The following MAN1A1 variants were observed in gnomAD, a reference collection of about 807,000 sequenced individuals.
MAN1A1 encodes mannosyl-oligosaccharide 1,2-alpha-mannosidase IA.
In MAN1A1, 29 loss-of-function variants were observed where a neutral mutation model predicts 70.8. The ratio of observed to expected loss-of-function variants is 0.41; its 90% CI spans 0.31 to 0.56. The LOEUF is 0.56. Ranked by LOEUF, MAN1A1 falls within the 20% of genes least tolerant of loss-of-function variation. MAN1A1 has a pLI of 0.29. For synonymous variants in MAN1A1, 349 were observed against 330.1 expected (o/e 1.06, Z -0.62); for missense variants, 747 against 841.3 (o/e 0.89, Z 1.39).
At chr6:119,342,369 G>C (rs754126392) in intron 2 of MAN1A1, among the ~76,000 whole-genome samples, 39 of 152,248 alleles carry the variant, frequency 2.6e-4, no homozygotes, top group Middle Eastern at 6.8e-3. Context: ...GCTTTAGGTG[G>C]TGACCAGTAA....
chr6:119,193,705 C>T (rs937415040), intron 9 of MAN1A1, 72 bp downstream of exon 9: 3 of 977,798 alleles, frequency 3.1e-6, no homozygotes, highest in South Asian at 1.5e-5. Context: ...ACCACTTATT[C>T]ATTAAAACTT....
At chr6:119,287,081 C>T (rs1239111896) in intron 5 of MAN1A1, among the ~76,000 whole-genome samples, 1 of 152,044 alleles carries the variant, frequency 6.6e-6, no homozygotes, top group Non-Finnish European at 1.5e-5. Flanking sequence ...TCTCCAAGAT[C>T]CCCAAAGAGG....
intron 5 of MAN1A1, among the ~76,000 whole-genome samples, chr6:119,264,181 G>A (rs1312787214): frequency 1.3e-5 from 2 of 152,164 alleles, no homozygotes; most frequent in Non-Finnish European, 2.9e-5. Flanking sequence ...CAATTAACAG[G>A]CCCAACCCAG....
intron 2 of MAN1A1, among the ~76,000 whole-genome samples, chr6:119,334,744 T>C (rs1773407977): frequency 6.6e-6 from 1 of 152,256 alleles, no homozygotes; most frequent in African/African-American, 2.4e-5. Context: ...TCACAAAGGG[T>C]GGATACATCC....
At chr6:119,250,789 T>C (rs1290034899) in intron 5 of MAN1A1, among the ~76,000 whole-genome samples, 1 of 152,184 alleles carries the variant, frequency 6.6e-6, no homozygotes, top group East Asian at 1.9e-4. Context: ...ATTCTCAAAT[T>C]CAACCTTCTA....
chr6:119,304,953 T>C (rs1772488649), intron 3 of MAN1A1, among the ~76,000 whole-genome samples: 1 of 112,460 alleles, frequency 8.9e-6, no homozygotes, highest in Non-Finnish European at 2.0e-5. Context: ...TCATTTCTCA[T>C]CCATAAAAAT....
chr6:119,262,555 T>G (rs980475154), intron 5 of MAN1A1, among the ~76,000 whole-genome samples: 2 of 152,144 alleles, frequency 1.3e-5, no homozygotes, highest in Non-Finnish European at 2.9e-5. Context: ...GTTCAGCCAT[T>G]GTGGAAAGTA....
chr6:119,257,513 C>A (rs572185939), intron 5 of MAN1A1, among the ~76,000 whole-genome samples: 51 of 151,140 alleles, frequency 3.4e-4, no homozygotes, highest in African/African-American at 1.1e-3. Context: ...ACGACAACAT[C>A]AAAAAAAATA....
intron 6 of MAN1A1, among the ~76,000 whole-genome samples, chr6:119,221,367 T>C (rs1774354555): frequency 6.6e-6 from 1 of 152,072 alleles, no homozygotes; most frequent in Non-Finnish European, 1.5e-5. Context: ...TTTTTGCATA[T>C]ACTGACAAAT....
chr6:119,312,981 G>T (rs1464658865), intron 2 of MAN1A1, among the ~76,000 whole-genome samples: 1 of 152,164 alleles, frequency 6.6e-6, no homozygotes, highest in Non-Finnish European at 1.5e-5. Flanking sequence ...CACTCAATGA[G>T]CCTGGCTGAC....
At chr6:119,235,089 A>C (rs568248406) in intron 6 of MAN1A1, among the ~76,000 whole-genome samples, 4 of 152,246 alleles carry the variant, frequency 2.6e-5, no homozygotes, top group East Asian at 3.9e-4. Flanking sequence ...GCTGTTTCGC[A>C]TTTCTCTTCC....
chr6:119,180,243 T>C (rs564741348), intron 12 of MAN1A1, 69 bp downstream of exon 12: 3 of 1,065,194 alleles, frequency 2.8e-6, no homozygotes, highest in Non-Finnish European at 4.3e-6. Flanking sequence ...AATGTGTTCA[T>C]GATAAAGACA....
chr6:119,304,125 C>A (rs1772469843), intron 3 of MAN1A1, among the ~76,000 whole-genome samples: 1 of 152,034 alleles, frequency 6.6e-6, no homozygotes, highest in South Asian at 2.1e-4. Flanking sequence ...CTTTCAAATG[C>A]CAAGTTAAGA....
intron 2 of MAN1A1, among the ~76,000 whole-genome samples, chr6:119,331,619 AC>A (rs1773318680): frequency 1.4e-5 from 2 of 146,594 alleles, no homozygotes; most frequent in Non-Finnish European, 3.0e-5. Context: ...ATATAAACAT[AC>A]ATGAACACAT....
At chr6:119,322,933 C>A (rs1773054700) in intron 2 of MAN1A1, among the ~76,000 whole-genome samples, 1 of 152,218 alleles carries the variant, frequency 6.6e-6, no homozygotes, top group Non-Finnish European at 1.5e-5. Flanking sequence ...TGGTGGCTGA[C>A]AGAAGACGTT....
chr6:119,281,980 T>G (rs1776236896), intron 5 of MAN1A1, among the ~76,000 whole-genome samples: 1 of 152,144 alleles, frequency 6.6e-6, no homozygotes, highest in Non-Finnish European at 1.5e-5. Flanking sequence ...GAGAATTGCC[T>G]GAACCTGAGA....
chr6:119,337,372 C>T (rs372452674), intron 2 of MAN1A1, among the ~76,000 whole-genome samples: 2 of 152,118 alleles, frequency 1.3e-5, no homozygotes, highest in Admixed American at 6.5e-5. Context: ...TTACTTAGCG[C>T]GAAATCACAC....
chr6:119,206,953 G>C (rs1165847230), intron 6 of MAN1A1, among the ~76,000 whole-genome samples: 1 of 152,220 alleles, frequency 6.6e-6, no homozygotes, highest in Non-Finnish European at 1.5e-5. Flanking sequence ...CCGCCTTCCA[G>C]ATCTTCAGGG....
intron 2 of MAN1A1, among the ~76,000 whole-genome samples, chr6:119,307,483 A>C (rs1024247437): frequency 6.6e-6 from 1 of 152,206 alleles, no homozygotes; most frequent in African/African-American, 2.4e-5. Flanking sequence ...GACTATATGG[A>C]GAAGTATTTT....
Sources: gnomAD v4.1 joint callset for allele counts (sites outside exome capture counted in the v4.1 genomes callset) on GRCh38, gnomAD v4.1.1 for gene constraint, MANE v1.5 for transcripts, NCBI Gene and HGNC (gene_info 2026-07-23, HGNC 2026-07-21) for gene names.